USH2A: variants seen among roughly 807,000 people sequenced by gnomAD.
USH2A encodes Usher syndrome 2A (autosomal recessive, mild).
Under a neutral mutation model 538.9 loss-of-function variants are expected in USH2A, and 443 were observed. The ratio of observed to expected loss-of-function variants is 0.82; its 90% CI spans 0.76 to 0.89. USH2A has a LOEUF of 0.89. USH2A is among the 40% of genes least tolerant of loss of function. The pLI, the probability that USH2A is intolerant of heterozygous loss-of-function variation, is 0.00. For missense variants in USH2A, 6,633 were observed against 6,324.8 expected (o/e 1.05, Z -1.65); for synonymous variants, 2,413 against 2,273.5 (o/e 1.06, Z -1.75).
chr1:216,323,875 TA>T (rs1374765593), intron 7 of USH2A, among the ~76,000 whole-genome samples, 180 bp from the exon 8 acceptor site: 3 of 152,230 alleles, frequency 2.0e-5, no homozygotes, highest in African/African-American at 7.2e-5. Flanking sequence ...AAAGCCACAC[TA>T]AAACAGTTCC....
intron 47 of USH2A, among the ~76,000 whole-genome samples, chr1:215,832,684 A>G (rs1663357846): frequency 6.6e-6 from 1 of 151,964 alleles, no homozygotes; most frequent in African/African-American, 2.4e-5. Flanking sequence ...TCTTTCAAAG[A>G]TTGGGAACAA....
intron 61 of USH2A, among the ~76,000 whole-genome samples, chr1:215,714,406 G>T (rs1659424869): frequency 6.6e-6 from 1 of 152,166 alleles, no homozygotes; most frequent in Admixed American, 6.5e-5. Flanking sequence ...GGACACCTGG[G>T]TAAGAGCTTT....
intron 11 of USH2A, among the ~76,000 whole-genome samples, chr1:216,275,916 T>C (rs181770097): frequency 4.9e-4 from 75 of 152,252 alleles, no homozygotes; most frequent in African/African-American, 1.7e-3. Flanking sequence ...CTTCCTACTT[T>C]TGGATAGTGT....
chr1:216,221,405 A>G (rs1373196584), intron 14 of USH2A, among the ~76,000 whole-genome samples: 2 of 152,160 alleles, frequency 1.3e-5, no homozygotes, highest in East Asian at 1.9e-4. Flanking sequence ...TGAGCTTCTT[A>G]GTTTCGCTTT....
chr1:215,694,683 T>C (rs982762026), intron 61 of USH2A, among the ~76,000 whole-genome samples: 3 of 152,216 alleles, frequency 2.0e-5, no homozygotes, highest in African/African-American at 7.2e-5. Context: ...CCTTTATTAC[T>C]TGATAGATCT....
chr1:216,317,977 T>C (rs569181442), intron 9 of USH2A, among the ~76,000 whole-genome samples: 14 of 152,332 alleles, frequency 9.2e-5, no homozygotes, highest in African/African-American at 3.1e-4. Flanking sequence ...ATTTGTGACA[T>C]TGACCTTATA....
intron 37 of USH2A, among the ~76,000 whole-genome samples, chr1:215,953,851 T>C (rs1666993977): frequency 1.3e-5 from 2 of 151,516 alleles, no homozygotes; most frequent in African/African-American, 4.9e-5. Context: ...TACAATGAAC[T>C]CCAACAAATT....
chr1:216,129,263 T>C (rs1369019896), intron 21 of USH2A, among the ~76,000 whole-genome samples: 2 of 152,070 alleles, frequency 1.3e-5, no homozygotes, highest in African/African-American at 4.8e-5. Context: ...TTTGGATAAA[T>C]ACCCAGCAGT....
chr1:216,118,464 C>T (rs2102592049), intron 21 of USH2A, among the ~76,000 whole-genome samples: 1 of 152,214 alleles, frequency 6.6e-6, no homozygotes, highest in African/African-American at 2.4e-5. Context: ...CCTACACAGT[C>T]CAGCTTCTCA....
intron 21 of USH2A, among the ~76,000 whole-genome samples, chr1:216,150,669 T>A (rs1032234344): frequency 6.6e-6 from 1 of 152,112 alleles, no homozygotes; most frequent in African/African-American, 2.4e-5. Context: ...ACATTTCACA[T>A]CAGCAAGCTG....
At chr1:215,989,524 G>GT (rs1349416309) in intron 35 of USH2A, among the ~76,000 whole-genome samples, 1 of 152,160 alleles carries the variant, frequency 6.6e-6, no homozygotes, top group Non-Finnish European at 1.5e-5. Context: ...AAGGAACCTA[G>GT]TAGGTCATCA....
At position 215,639,108 on chromosome 1, in the gene USH2A, G is replaced by C; in HGVS notation, c.15052+47C>G. The C allele has an allele frequency of 3.2e-6, 5 of 1,557,958 alleles. No homozygotes were observed. In the East Asian group the frequency reaches 6.7e-5, roughly 21 times the overall value. On this transcript the variant is annotated intron_variant, in intron 69 of 71. Transcript: ENST00000307340. ...ATAAACAAACATATGTGTGTTTCTT[G>C]AGGAAGATGAATAGGTGCTACGCCA... is the stretch of plus-strand genomic sequence containing the variant.
chr1:215,838,194 G>T, intron 46 of USH2A, 91 bp from the exon 47 acceptor site: 4 of 1,025,088 alleles, frequency 3.9e-6, no homozygotes, highest in Admixed American at 1.7e-5. Context: ...CATTTCACAT[G>T]AATCTCTTGT....
At chr1:216,277,681 C>T (rs991533813) in intron 11 of USH2A, among the ~76,000 whole-genome samples, 3 of 152,120 alleles carry the variant, frequency 2.0e-5, no homozygotes, top group African/African-American at 7.2e-5. Flanking sequence ...AAAGTGGTTA[C>T]CCAGCTAGAG....
At chr1:215,707,785 T>C (rs1474909553) in intron 61 of USH2A, among the ~76,000 whole-genome samples, 1 of 152,176 alleles carries the variant, frequency 6.6e-6, no homozygotes, top group African/African-American at 2.4e-5. Flanking sequence ...ATTAGGAATG[T>C]AAAACTCACC....
Position 216,089,171 on chromosome 1 carries a change from A to T in USH2A, c.4759-32T>A, listed in dbSNP as rs768189395. The T allele has an allele frequency of 2.1e-5, 33 of 1,600,728 alleles. No individual in the cohort carries two copies. The East Asian group carries it at 7.2e-4, about 35-fold the overall frequency. On this transcript the variant is annotated intron_variant, in intron 22 of 71. Coordinates refer to ENST00000307340, the MANE Select transcript of USH2A (RefSeq NM_206933.4). ...GGAATGAATGAATAAATAAATGTTTATACATGCATATCTACAAATAAACAC... is the reference window on the plus strand; with the variant it reads ...GGAATGAATGAATAAATAAATGTTTTTACATGCATATCTACAAATAAACAC...
intron 11 of USH2A, among the ~76,000 whole-genome samples, chr1:216,284,848 T>C (rs2036850802): frequency 6.6e-6 from 1 of 152,184 alleles, no homozygotes; most frequent in Admixed American, 6.5e-5. Flanking sequence ...CAGCTGGAGA[T>C]AAGTAACTTG....
intron 37 of USH2A, among the ~76,000 whole-genome samples, chr1:215,964,961 A>G (rs904831945): frequency 6.6e-6 from 1 of 152,198 alleles, no homozygotes; most frequent in Non-Finnish European, 1.5e-5. Context: ...GGTTTGAACC[A>G]CTTTTTAGCA....
rs1036989356 is a variant in USH2A, at chr1:216,002,415, G to A, written c.6326-1853C>T. 3.3e-4 allele frequency among the ~76,000 whole-genome samples: 50 copies of A among 152,100 alleles called. 1 individual carries two copies. The highest frequency in any genetic ancestry group is 1.2e-3 in the African/African-American group (50 of 41,404). Reference sequence around the variant, plus strand: ...TTGTCCTCCCTGAAAAAGAGAAGCTGGGGATTTGACTCTAAGTCCCGTTGC... The same window carrying A: ...TTGTCCTCCCTGAAAAAGAGAAGCTAGGGATTTGACTCTAAGTCCCGTTGC... On this transcript the variant is annotated intron_variant, in intron 32 of 71. Coordinates refer to ENST00000307340, the MANE Select transcript of USH2A (RefSeq NM_206933.4).
Sources: gnomAD v4.1 joint callset for allele counts (sites outside exome capture counted in the v4.1 genomes callset) on GRCh38, gnomAD v4.1.1 for gene constraint, MANE v1.5 for transcripts, NCBI Gene and HGNC (gene_info 2026-07-23, HGNC 2026-07-21) for gene names.